The following RALA variants were observed in gnomAD, a reference collection of about 807,000 sequenced individuals.
The protein encoded by RALA is ras-related protein Ral-A.
A neutral mutation model predicts 24.0 loss-of-function variants in RALA; 5 were observed. The ratio of observed to expected loss-of-function variants is 0.21; its 90% CI spans 0.11 to 0.44. The LOEUF is 0.44. Among genes scored for constraint, RALA ranks in the 20% least tolerant of loss-of-function variants. The pLI is 0.99. For missense variants in RALA, 95 were observed against 241.2 expected (o/e 0.39, Z 4.01); for synonymous variants, 77 against 83.8 (o/e 0.92, Z 0.44).
At chr7:39,646,801 A>C (rs898484130) in intron 1 of RALA, among the ~76,000 whole-genome samples, 5 of 152,206 alleles carry the variant, frequency 3.3e-5, no homozygotes, top group Non-Finnish European at 5.9e-5. Context: ...ACAGAACTCT[A>C]GAGCCTCCCA....
At chr7:39,667,806 A>G (rs1792310974) in intron 1 of RALA, among the ~76,000 whole-genome samples, 2 of 152,232 alleles carry the variant, frequency 1.3e-5, no homozygotes, top group Admixed American at 1.3e-4. Flanking sequence ...TTAACAACCC[A>G]GGGTAAACTC....
chr7:39,644,031 T>TA (rs781015542), intron 1 of RALA, among the ~76,000 whole-genome samples: 49 of 152,288 alleles, frequency 3.2e-4, no homozygotes, highest in Middle Eastern at 3.4e-3. Flanking sequence ...AGAAATCTTT[T>TA]AAAAAATTAT....
chr7:39,686,109 G>A (rs943388576), intron 1 of RALA, among the ~76,000 whole-genome samples: 5 of 151,750 alleles, frequency 3.3e-5, no homozygotes, highest in Non-Finnish European at 2.9e-5. Flanking sequence ...AGGAGGCTGA[G>A]GCACAAGAAT....
chr7:39,623,993 A>G lies in RALA; in HGVS notation c.-38+168A>G, dbSNP rs959679277. 1 of 152,090 alleles carries G rather than the reference A, an allele frequency of 6.6e-6. No homozygotes were observed. Among genetic ancestry groups the G allele is most frequent in the East Asian group, 1.9e-4 (1 of 5,166 alleles). The allele number at this position is 152,090 out of a possible 1,614,324, so 9.4% of individuals were successfully genotyped here. ...CGAGCTGCGAGATGAGCCCGGCTGG[A>G]ATCCGGGGCACCGCGTTCGCCGCTG... On this transcript the variant is annotated intron_variant, in intron 1 of 4. Coordinates refer to ENST00000005257, the MANE Select transcript of RALA (RefSeq NM_005402.4). The surrounding 1 kb of genome is among the most constrained non-coding windows in gnomAD (Gnocchi z 4.9).
chr7:39,706,277 A>T lies in RALA; in HGVS notation c.*32A>T. On this transcript the variant is annotated 3_prime_UTR_variant, in exon 5 of 5. Transcript: ENST00000005257. ...CCCAAACTCCTTTCTTATCTTGACC[A>T]TACTAATAAATATAATTTATAAGCA... 6.4e-7 allele frequency: 1 copy of T among 1,568,442 alleles called. No individual in the cohort carries two copies. The highest frequency in any genetic ancestry group is 8.6e-7 in the Non-Finnish European group (1 of 1,162,878).
At chr7:39,664,513 C>T (rs966429154) in intron 1 of RALA, among the ~76,000 whole-genome samples, 1 of 152,112 alleles carries the variant, frequency 6.6e-6, no homozygotes, top group Non-Finnish European at 1.5e-5. Flanking sequence ...CACTACGTCT[C>T]TGAATTCAGC....
At chr7:39,690,209 G>C in intron 2 of RALA, among the ~76,000 whole-genome samples, 173 bp from the exon 3 acceptor site, 1 of 152,198 alleles carries the variant, frequency 6.6e-6, no homozygotes, top group East Asian at 1.9e-4. Context: ...AGGAAACCAA[G>C]AAATTGTCTA....
At chr7:39,657,244 G>A (rs1396717913) in intron 1 of RALA, among the ~76,000 whole-genome samples, 1 of 152,108 alleles carries the variant, frequency 6.6e-6, no homozygotes, top group African/African-American at 2.4e-5. Context: ...GGGATTACAG[G>A]TATGAGCCAC....
intron 1 of RALA, among the ~76,000 whole-genome samples, chr7:39,660,430 T>C (rs1016884725): frequency 5.9e-5 from 9 of 152,218 alleles, no homozygotes; most frequent in African/African-American, 1.9e-4. Flanking sequence ...TCTCTAGTGC[T>C]TAACTCAGAA....
At chr7:39,678,043 T>G in intron 1 of RALA, among the ~76,000 whole-genome samples, 1 of 105,156 alleles carries the variant, frequency 9.5e-6, no homozygotes, top group Non-Finnish European at 1.9e-5. Context: ...GGGACTGTGG[T>G]GGGGTCGGGG....
intron 2 of RALA, among the ~76,000 whole-genome samples, chr7:39,687,755 G>A (rs577487737): frequency 5.4e-4 from 82 of 152,248 alleles, no homozygotes; most frequent in African/African-American, 1.8e-3. Context: ...CTTAGTCCTC[G>A]TAACAATCTT....
intron 1 of RALA, among the ~76,000 whole-genome samples, chr7:39,658,068 A>G (rs4723890): frequency 0.019 from 2,828 of 152,312 alleles, 61 homozygotes; most frequent in Admixed American, 0.06. Context: ...ATGTTAAGAC[A>G]TGTTGGAAAT....
intron 1 of RALA, among the ~76,000 whole-genome samples, chr7:39,640,064 T>C (rs1049445916): frequency 6.6e-6 from 1 of 151,842 alleles, no homozygotes; most frequent in Admixed American, 6.6e-5. Flanking sequence ...TTGTTTTGTT[T>C]TGAGACAGGG....
chr7:39,645,250 G>A (rs1394941247), intron 1 of RALA, among the ~76,000 whole-genome samples: 2 of 152,084 alleles, frequency 1.3e-5, no homozygotes, highest in Non-Finnish European at 2.9e-5. Context: ...GCAGGGTTTT[G>A]TAGCTTACTT....
intron 4 of RALA, among the ~76,000 whole-genome samples, chr7:39,698,367 G>T (rs1417756795): frequency 1.3e-5 from 2 of 152,064 alleles, no homozygotes; most frequent in African/African-American, 4.8e-5. Flanking sequence ...TAGGGCTTGG[G>T]TATTTCAGTT....
intron 1 of RALA, among the ~76,000 whole-genome samples, chr7:39,649,911 G>C (rs1791992286): frequency 6.6e-6 from 1 of 152,216 alleles, no homozygotes; most frequent in African/African-American, 2.4e-5. Flanking sequence ...ACTGATAAGT[G>C]AGGTATAACG....
At position 39,690,912 on chromosome 7, in the gene RALA, T is replaced by A. The variant is rs1170714518; in HGVS notation, c.323+322T>A. ...CTACTACTGCCATAACAGTTCATAC[T>A]TAGAGCACATAATGGAGCTTACTCA... is the stretch of plus-strand genomic sequence containing the variant. On this transcript the variant is annotated intron_variant, in intron 3 of 4. Transcript: ENST00000005257. Among the ~76,000 whole-genome samples the A allele has an allele frequency of 2.0e-5, 3 of 152,354 alleles. No individual in the cohort carries two copies. In the South Asian group the frequency reaches 6.2e-4, roughly 32 times the overall value.
chr7:39,706,335 T>G lies in RALA; in HGVS notation c.*90T>G, dbSNP rs1793119802. 1 of 1,392,214 alleles carries G rather than the reference T, an allele frequency of 7.2e-7. No individual in the cohort carries two copies. The highest frequency in any genetic ancestry group is 1.5e-5 in the African/African-American group (1 of 67,266). The allele number at this position is 1,392,214 out of a possible 1,614,324, so 86.2% of individuals were successfully genotyped here. A position where few individuals can be genotyped will look rare whatever the true frequency, so the allele number is the denominator to read the frequency against. ...TGAAGGCTTAATTGACTGAAATTACTTTAACATTTTGGAAATTGTTGTATA... is the reference window on the plus strand; with the variant it reads ...TGAAGGCTTAATTGACTGAAATTACGTTAACATTTTGGAAATTGTTGTATA... On this transcript the variant is annotated 3_prime_UTR_variant, in exon 5 of 5. Coordinates refer to ENST00000005257, the MANE Select transcript of RALA (RefSeq NM_005402.4).
chr7:39,624,435 A>G (rs1452024580), intron 1 of RALA: 1 of 151,910 alleles, frequency 6.6e-6, no homozygotes, highest in East Asian at 1.9e-4. Flanking sequence ...CAGGTAATCT[A>G]GCTTCTAATA....
Sources: gnomAD v4.1 joint callset for allele counts (sites outside exome capture counted in the v4.1 genomes callset) on GRCh38, gnomAD v4.1.1 for gene constraint, Gnocchi (gnomAD v3.1) non-coding constraint, MANE v1.5 for transcripts, NCBI Gene and HGNC (gene_info 2026-07-23, HGNC 2026-07-21) for gene names.